Variants in NR3C2 observed in about 807,000 individuals in gnomAD.
The protein encoded by NR3C2 is nuclear receptor subfamily 3 group C member 2.
NR3C2 carries 15 observed loss-of-function variants against 86.4 expected under a neutral mutation model. The ratio of observed to expected loss-of-function variants is 0.17; its 90% CI spans 0.12 to 0.27. The LOEUF is 0.27. Among genes scored for constraint, NR3C2 ranks in the 10% least tolerant of loss-of-function variants. The probability of loss-of-function intolerance (pLI) is 1.00; values close to 1 mark genes in which losing one functional copy is unlikely to be tolerated. For synonymous variants in NR3C2, 458 were observed against 450.5 expected, an observed-to-expected ratio of 1.02 and a Z score of -0.21; for missense variants, 960 against 1,195.6, an observed-to-expected ratio of 0.80 and a Z score of 2.91.
chr4:148,265,857 G>A (rs1027702389), intron 2 of NR3C2, among the ~76,000 whole-genome samples: 2 of 152,020 alleles, frequency 1.3e-5, no homozygotes, highest in African/African-American at 4.8e-5. Context: ...GAAAGTCTAC[G>A]GTGGGCCCCA....
intron 8 of NR3C2, among the ~76,000 whole-genome samples, chr4:148,102,851 T>G (rs1449804635): frequency 6.6e-6 from 1 of 152,200 alleles, no homozygotes; most frequent in Non-Finnish European, 1.5e-5. Flanking sequence ...TTTTCCATTT[T>G]ACTTAATTTA....
At position 148,438,475 on chromosome 4, in the gene NR3C2, A is replaced by G. The variant is rs183437495; in HGVS notation, c.-2-1613T>C. On this transcript the variant is annotated intron_variant, in intron 1 of 8. Coordinates refer to ENST00000358102, the MANE Select transcript of NR3C2 (RefSeq NM_000901.5). ...TCAAACATTTCAAAGTCTGTAAACA[A>G]TCTATGGCCCAAAAAAAGTCCTGAT... Among the ~76,000 whole-genome samples the G allele has an allele frequency of 7.2e-5, 11 of 152,330 alleles. No individual in the cohort carries two copies. In the East Asian group the frequency reaches 2.1e-3, roughly 29 times the overall value.
chr4:148,127,655 T>C (rs1321644347), intron 6 of NR3C2, among the ~76,000 whole-genome samples: 1 of 152,232 alleles, frequency 6.6e-6, no homozygotes, highest in East Asian at 1.9e-4. Context: ...CATTTCTAAA[T>C]ATCTTCTTAT....
intron 2 of NR3C2, among the ~76,000 whole-genome samples, chr4:148,278,587 AC>A (rs1741079170): frequency 6.6e-6 from 1 of 151,994 alleles, no homozygotes; most frequent in Admixed American, 6.6e-5. Context: ...GCACACACAC[AC>A]CCACACCCAC....
chr4:148,412,392 A>C (rs1369622309), intron 2 of NR3C2, among the ~76,000 whole-genome samples: 1 of 152,220 alleles, frequency 6.6e-6, no homozygotes, highest in Non-Finnish European at 1.5e-5. Context: ...GACTGAAACT[A>C]TATTAGAATA....
chr4:148,194,357 C>T (rs1736344589), intron 4 of NR3C2, among the ~76,000 whole-genome samples: 1 of 152,132 alleles, frequency 6.6e-6, no homozygotes, highest in African/African-American at 2.4e-5. Context: ...ACACATACTT[C>T]TAAAGTTAGG....
At chr4:148,178,972 A>G (rs1325204170) in intron 4 of NR3C2, among the ~76,000 whole-genome samples, 2 of 151,336 alleles carry the variant, frequency 1.3e-5, no homozygotes, top group African/African-American at 4.8e-5. Flanking sequence ...AAAACAAAAC[A>G]AAGAGAAAGT....
intron 2 of NR3C2, among the ~76,000 whole-genome samples, chr4:148,415,479 G>T (rs1748946255): frequency 6.6e-6 from 1 of 152,060 alleles, no homozygotes; most frequent in Non-Finnish European, 1.5e-5. Flanking sequence ...AATTTCATTT[G>T]CTCTCAAGTG....
At chr4:148,216,660 A>G (rs965018097) in intron 3 of NR3C2, among the ~76,000 whole-genome samples, 2 of 152,224 alleles carry the variant, frequency 1.3e-5, no homozygotes, top group African/African-American at 4.8e-5. Flanking sequence ...CAGACATGGT[A>G]CCCAGGCATC....
At chr4:148,229,074 A>G (rs1738328706) in intron 3 of NR3C2, among the ~76,000 whole-genome samples, 2 of 152,212 alleles carry the variant, frequency 1.3e-5, no homozygotes, top group African/African-American at 4.8e-5. Flanking sequence ...CTAGGCCAAG[A>G]AACCATCTCC....
chr4:148,252,418 C>G (rs1435071408), intron 3 of NR3C2, among the ~76,000 whole-genome samples: 1 of 152,080 alleles, frequency 6.6e-6, no homozygotes, highest in African/African-American at 2.4e-5. Flanking sequence ...AGAGCCTGTA[C>G]CTGGTAAGTA....
chr4:148,404,659 G>A (rs1212141684), intron 2 of NR3C2, among the ~76,000 whole-genome samples: 1 of 152,076 alleles, frequency 6.6e-6, no homozygotes, highest in African/African-American at 2.4e-5. Flanking sequence ...CATGGATCTT[G>A]ATGAATTTTT....
At chr4:148,100,194 A>G (rs1731472809) in intron 8 of NR3C2, among the ~76,000 whole-genome samples, 1 of 152,228 alleles carries the variant, frequency 6.6e-6, no homozygotes. Context: ...TTTGCCAGTT[A>G]AGGATTAAAA....
intron 2 of NR3C2, among the ~76,000 whole-genome samples, chr4:148,317,798 C>T (rs1379215539): frequency 7.9e-6 from 1 of 126,908 alleles, no homozygotes; most frequent in Non-Finnish European, 1.6e-5. Flanking sequence ...GAAATTAAGT[C>T]TATCTCATTT....
chr4:148,171,312 A>T (rs1735113407), intron 4 of NR3C2, among the ~76,000 whole-genome samples: 1 of 152,212 alleles, frequency 6.6e-6, no homozygotes, highest in African/African-American at 2.4e-5. Context: ...ATGTGAAGGA[A>T]TTTCCAGGTA....
chr4:148,200,177 C>T (rs1246124849), intron 3 of NR3C2, among the ~76,000 whole-genome samples: 1 of 152,218 alleles, frequency 6.6e-6, no homozygotes, highest in Non-Finnish European at 1.5e-5. Flanking sequence ...AGTGTCCACA[C>T]AGTCTGGTAG....
chr4:148,262,240 T>C (rs1468183515), intron 2 of NR3C2, among the ~76,000 whole-genome samples: 1 of 152,184 alleles, frequency 6.6e-6, no homozygotes, highest in Admixed American at 6.6e-5. Flanking sequence ...CTGTGGGCCT[T>C]GATCCCAGTA....
At chr4:148,440,714 T>C (rs1750296693) in intron 1 of NR3C2, among the ~76,000 whole-genome samples, 1 of 152,276 alleles carries the variant, frequency 6.6e-6, no homozygotes, top group Non-Finnish European at 1.5e-5. Flanking sequence ...AAAGAAATGC[T>C]GTTTTCACAA....
intron 6 of NR3C2, among the ~76,000 whole-genome samples, chr4:148,141,835 G>A (rs1314277868): frequency 1.3e-5 from 2 of 152,118 alleles, no homozygotes; most frequent in Non-Finnish European, 2.9e-5. Context: ...ACTAATGCCC[G>A]ATGATCTGAG....
Sources: gnomAD v4.1 joint callset for allele counts (sites outside exome capture counted in the v4.1 genomes callset) on GRCh38, gnomAD v4.1.1 for gene constraint, MANE v1.5 for transcripts, NCBI Gene and HGNC (gene_info 2026-07-23, HGNC 2026-07-21) for gene names.